WASHC2C: variants seen among roughly 807,000 people sequenced by gnomAD.
WASHC2C encodes the protein WASH complex subunit 2C.
WASHC2C carries 73 observed loss-of-function variants against 142.2 expected under a neutral mutation model. The observed-to-expected ratio is 0.51, with a 90% CI of 0.43 to 0.62. The LOEUF (loss-of-function observed/expected upper bound fraction) is 0.62. Ranked by LOEUF, WASHC2C falls within the 20% of genes least tolerant of loss-of-function variation. WASHC2C has a pLI of 0.00. For missense variants in WASHC2C, 969 were observed against 1,531.7 expected (o/e 0.63, Z 6.13); for synonymous variants, 337 against 565.5 (o/e 0.60, Z 5.73).
chr10:45,784,238 ATATGTGTG>A (rs1425693770), intron 23 of WASHC2C, among the ~76,000 whole-genome samples: 21 of 58,242 alleles, frequency 3.6e-4, no homozygotes, highest in African/African-American at 9.5e-4. Context: ...ATATATATAT[ATATGTGTG>A]TGTGTGTATA....
chr10:45,740,639 G>C (rs1445604480), intron 5 of WASHC2C, among the ~76,000 whole-genome samples: 15 of 152,128 alleles, frequency 9.9e-5, no homozygotes, highest in East Asian at 1.9e-4. Context: ...AAGAGACAGA[G>C]AGTGTTGGGA....
intron 2 of WASHC2C, among the ~76,000 whole-genome samples, chr10:45,728,308 C>T (rs909388182): frequency 3.9e-5 from 6 of 152,164 alleles, no homozygotes; most frequent in Non-Finnish European, 7.3e-5. Flanking sequence ...GGATTACAAG[C>T]GTGAGCCACC....
chr10:45,745,396 C>CT (rs1473349906), intron 7 of WASHC2C, among the ~76,000 whole-genome samples: 7 of 152,092 alleles, frequency 4.6e-5, no homozygotes, highest in Admixed American at 4.6e-4. Flanking sequence ...GTCTGTGGGC[C>CT]TTGACTACAG....
intron 3 of WASHC2C, among the ~76,000 whole-genome samples, chr10:45,736,041 G>A (rs4474386): frequency 0.035 from 5,308 of 151,626 alleles, 234 homozygotes; most frequent in African/African-American, 0.11. Flanking sequence ...GGCCAAGGCC[G>A]ATGGATCACT....
intron 19 of WASHC2C, 103 bp from the exon 20 acceptor site, chr10:45,769,346 C>T (rs2056328592): frequency 6.9e-7 from 1 of 1,444,812 alleles, no homozygotes; most frequent in Admixed American, 2.1e-5. Flanking sequence ...TCTTGATCTG[C>T]TGATCTCGTG....
chr10:45,768,234 G>GAAAAAA (rs1169870861), intron 19 of WASHC2C, among the ~76,000 whole-genome samples: 19 of 76,420 alleles, frequency 2.5e-4, no homozygotes, highest in East Asian at 8.4e-4. Flanking sequence ...CTCGAAAAAG[G>GAAAAAA]AAAAAAAAAA....
Position 45,792,298 on chromosome 10 carries a change from C to T in WASHC2C, c.3924C>T (p.Thr1308=), listed in dbSNP as rs1166237758. Residue 1308 remains threonine, a synonymous_variant, in exon 31 of 31, where the codon ACC becomes ACT. Transcript: ENST00000623400. ...CCACTGGTATCCAGGCTAAGACAAC[C>T]AAACCAAAAAGCCGATCTGCACAGG... The part of the protein sequence containing the change: ...IFSTGIQAKT[T]KPKSRSAQAA... 3 of 1,563,684 alleles carry T rather than the reference C, an allele frequency of 1.9e-6. No individual in the cohort carries two copies. In the East Asian group the frequency reaches 6.7e-5, roughly 35 times the overall value.
At chr10:45,786,954 C>T (rs1589960330) in intron 27 of WASHC2C, 81 bp from the exon 28 acceptor site, 5 of 1,611,798 alleles carry the variant, frequency 3.1e-6, no homozygotes, top group Non-Finnish European at 3.4e-6. Flanking sequence ...TTATGTGTAC[C>T]GAATCTTGTC....
intron 23 of WASHC2C, among the ~76,000 whole-genome samples, chr10:45,783,596 AACC>A (rs1325295495): frequency 1.3e-5 from 2 of 152,008 alleles, no homozygotes; most frequent in Non-Finnish European, 2.9e-5. Context: ...AAGTAGCTGG[AACC>A]ACAGGCACAC....
At chr10:45,733,482 G>T (rs2050850768) in intron 3 of WASHC2C, among the ~76,000 whole-genome samples, 1 of 152,058 alleles carries the variant, frequency 6.6e-6, no homozygotes, top group Non-Finnish European at 1.5e-5. Flanking sequence ...ATATTTAACA[G>T]TCCTGGGTAT....
intron 3 of WASHC2C, among the ~76,000 whole-genome samples, chr10:45,734,950 A>G (rs200251308): frequency 0.05 from 7,641 of 151,522 alleles, 203 homozygotes; most frequent in East Asian, 0.15. Context: ...GATAACCTTT[A>G]TTGTGTAGTT....
intron 4 of WASHC2C, among the ~76,000 whole-genome samples, chr10:45,738,392 C>CCTGAGA (rs2051550215): frequency 6.7e-6 from 1 of 150,342 alleles, no homozygotes; most frequent in African/African-American, 2.5e-5. Flanking sequence ...CTGAGATCTT[C>CCTGAGA]TCACACCAGA....
At chr10:45,790,652 G>A (rs2058341277) in intron 30 of WASHC2C, 119 bp downstream of exon 30, 1 of 991,728 alleles carries the variant, frequency 1.0e-6, no homozygotes, top group Non-Finnish European at 1.6e-6. Flanking sequence ...GTTCACTTCA[G>A]TGTAATCCTG....
Position 45,785,041 on chromosome 10 carries a change from G to T in WASHC2C, c.2688+140G>T. On this transcript the variant is annotated intron_variant, in intron 25 of 30. Coordinates refer to ENST00000623400, the MANE Select transcript of WASHC2C (RefSeq NM_001330074.2). ...AAATGAATGGCAAATAACATGCCGA[G>T]GGGAGCGTGTGTGGAGGATGCAATG... The T allele has an allele frequency of 1.9e-6, 3 of 1,584,212 alleles. No individual in the cohort carries two copies. In the South Asian group the frequency reaches 3.4e-5, roughly 18 times the overall value.
chr10:45,764,735 A>G (rs1308371222), intron 18 of WASHC2C, among the ~76,000 whole-genome samples: 1 of 152,278 alleles, frequency 6.6e-6, no homozygotes, highest in Non-Finnish European at 1.5e-5. Flanking sequence ...CCTTAAGCTC[A>G]TGTGGCTTAA....
chr10:45,729,943 C>CT (rs1394101881), intron 3 of WASHC2C, among the ~76,000 whole-genome samples: 1 of 152,058 alleles, frequency 6.6e-6, no homozygotes, highest in African/African-American at 2.4e-5. Flanking sequence ...CACTTCCTGT[C>CT]TTTTTTTGGA....
rs1554890497 is a variant in WASHC2C at position 45,787,051 on chromosome 10, A to G, written c.2891A>G (p.Asn964Ser). The G allele has an allele frequency of 1.2e-6, 2 of 1,609,808 alleles. No homozygotes were observed. The highest frequency in any genetic ancestry group is 1.7e-5 in the Admixed American group (1 of 59,812). Residue 964 changes from asparagine (N) to serine (S), a missense_variant, in exon 28 of 31, where the codon AAC (asparagine) becomes AGC (serine). Asn to Ser is a conservative substitution (Grantham distance 46, BLOSUM62 1). Coordinates refer to ENST00000623400, the MANE Select transcript of WASHC2C (RefSeq NM_001330074.2). ...CTTCTTTAGGCAAATTTAGCGATCAACCCAGCGGCCTTGCTGCCCACAGCG... is the reference window on the plus strand; with the variant it reads ...CTTCTTTAGGCAAATTTAGCGATCAGCCCAGCGGCCTTGCTGCCCACAGCG... ...IGKIQANLAI[N>S]PAALLPTAAS...
chr10:45,788,394 T>C (rs1177591827), intron 28 of WASHC2C, among the ~76,000 whole-genome samples: 3 of 152,254 alleles, frequency 2.0e-5, no homozygotes, highest in Non-Finnish European at 2.9e-5. Flanking sequence ...TACCTCTCTT[T>C]ATTGTGTCAT....
chr10:45,743,729 GTTTTC>G (rs1445939414), intron 6 of WASHC2C, among the ~76,000 whole-genome samples: 1 of 149,418 alleles, frequency 6.7e-6, no homozygotes, highest in Non-Finnish European at 1.5e-5. Flanking sequence ...TTCTCTGTGT[GTTTTC>G]TTTTTTTCTT....
Sources: gnomAD v4.1 joint callset for allele counts (sites outside exome capture counted in the v4.1 genomes callset) on GRCh38, gnomAD v4.1.1 for gene constraint, MANE v1.5 for transcripts, NCBI Gene and HGNC (gene_info 2026-07-23, HGNC 2026-07-21) for gene names.